The following PLEKHA8 variants were observed in gnomAD, a reference collection of about 807,000 sequenced individuals.
PLEKHA8 encodes pleckstrin homology domain containing A8, also known as pleckstrin homology domain-containing family A member 8.
In PLEKHA8, 36 loss-of-function variants were observed where a neutral mutation model predicts 68.2. The observed-to-expected ratio is 0.53, with a 90% confidence interval of 0.40 to 0.70. The LOEUF (loss-of-function observed/expected upper bound fraction) is 0.70, where lower values mean the gene tolerates loss of function less well. PLEKHA8 is among the 30% of genes least tolerant of loss of function. PLEKHA8 has a pLI of 0.00. For synonymous variants in PLEKHA8, 211 were observed against 216.1 expected (o/e 0.98, Z 0.20); for missense variants, 505 against 615.4 (o/e 0.82, Z 1.90).
chr7:30,076,008 A>G (rs1269415424), intron 13 of PLEKHA8, among the ~76,000 whole-genome samples: 1 of 151,984 alleles, frequency 6.6e-6, no homozygotes, highest in African/African-American at 2.4e-5. Context: ...TTACTGTCTT[A>G]GCTTTTTAAT....
chr7:30,051,016 C>T (rs1486349395), intron 6 of PLEKHA8, among the ~76,000 whole-genome samples: 40 of 152,300 alleles, frequency 2.6e-4, no homozygotes, highest in Admixed American at 2.4e-3. Context: ...CCTCTTACCT[C>T]AGCGTCCCAA....
rs573767192 is a variant in PLEKHA8 at position 30,059,150 on chromosome 7, A to G, written c.1040-1734A>G. Among the ~76,000 whole-genome samples, 6 of 152,342 alleles carry G rather than the reference A, an allele frequency of 3.9e-5. No homozygotes were observed. The South Asian group carries it at 1.2e-3, about 32-fold the overall frequency. Reference sequence around the variant, plus strand: ...ACAAAAGCATTGAGTCTTCCAATCCATGAGGATGCTGTATCTATTTACTTA... The same window carrying G: ...ACAAAAGCATTGAGTCTTCCAATCCGTGAGGATGCTGTATCTATTTACTTA... On this transcript the variant is annotated intron_variant, in intron 9 of 13. Transcript: ENST00000449726.
chr7:30,079,100 A>G lies in PLEKHA8; in HGVS notation c.*313A>G. On this transcript the variant is annotated 3_prime_UTR_variant, in exon 14 of 14. Transcript: ENST00000449726. ...TGTTATTGTGTATTGTATTGTTTTTATATTTTAGTCTAATGGGCCACCCAA... is the reference window on the plus strand; with the variant it reads ...TGTTATTGTGTATTGTATTGTTTTTGTATTTTAGTCTAATGGGCCACCCAA... 1.9e-6 allele frequency: 2 copies of G among 1,062,320 alleles called. No homozygotes were observed. Among genetic ancestry groups the G allele is most frequent in the East Asian group, 7.2e-5 (1 of 13,972 alleles). 65.8% of individuals were successfully genotyped at this position (1,062,320 alleles called of 1,614,324 possible). A position where few individuals can be genotyped will look rare whatever the true frequency, so the allele number is the denominator to read the frequency against.
At chr7:30,052,410 G>A (rs1249858660) in intron 6 of PLEKHA8, among the ~76,000 whole-genome samples, 2 of 152,180 alleles carry the variant, frequency 1.3e-5, no homozygotes, top group Admixed American at 6.5e-5. Context: ...GCTGAGGTGG[G>A]AGGATTGCCT....
chr7:30,077,200 C>A (rs1014319336), intron 13 of PLEKHA8, among the ~76,000 whole-genome samples: 2 of 152,108 alleles, frequency 1.3e-5, no homozygotes, highest in Non-Finnish European at 2.9e-5. Flanking sequence ...AAATCCTATT[C>A]TATTATATAT....
intron 2 of PLEKHA8, 137 bp downstream of exon 2, chr7:30,045,338 G>T: frequency 1.6e-6 from 1 of 619,748 alleles, no homozygotes; most frequent in Non-Finnish European, 2.7e-6. Context: ...TGTGTCAAAA[G>T]AAAGCCTTGC....
chr7:30,129,532 T>C, downstream of PLEKHA8: 1 of 571,786 alleles, frequency 1.7e-6, no homozygotes, highest in Non-Finnish European at 3.1e-6. Context: ...ACCTTAAAAT[T>C]TTCAACATGT....
At chr7:30,050,374 A>G in intron 5 of PLEKHA8, 60 bp from the exon 6 acceptor site, 18 of 1,519,276 alleles carry the variant, frequency 1.2e-5, no homozygotes, top group Non-Finnish European at 1.4e-5. Flanking sequence ...TAATAAGATC[A>G]TAAATATGCT....
At chr7:30,072,622 T>C (rs1162695895) in intron 12 of PLEKHA8, among the ~76,000 whole-genome samples, 1 of 152,264 alleles carries the variant, frequency 6.6e-6, no homozygotes, top group African/African-American at 2.4e-5. Flanking sequence ...TAGGAACTTG[T>C]ACTTGTGGTT....
rs774184626 is a variant in PLEKHA8 at position 30,078,761 on chromosome 7, G to A, written c.1534G>A (p.Gly512Arg). 15 of 1,613,390 alleles carry A rather than the reference G, an allele frequency of 9.3e-6. No individual in the cohort carries two copies. The highest frequency in any genetic ancestry group is 1.3e-5 in the African/African-American group (1 of 74,836). The change falls in exon 14 of 14, where the codon GGG (glycine) becomes AGG (arginine). Residue 512 changes from glycine (G) to arginine (R), a missense_variant. Transcript: ENST00000449726. ...AILDTLYEVH[G>R]LESDEVV ...ACTGGACACTTTATATGAGGTCCAC[G>A]GGCTGGAATCTGATGAGGTGGTATG... is the stretch of plus-strand genomic sequence containing the variant.
At chr7:30,071,413 C>T (rs1794230718) in intron 12 of PLEKHA8, among the ~76,000 whole-genome samples, 1 of 152,210 alleles carries the variant, frequency 6.6e-6, no homozygotes, top group Non-Finnish European at 1.5e-5. Context: ...CTCTACCCTA[C>T]CCAGCCTTCG....
At chr7:30,074,246 T>TTTTG (rs1554277761) in intron 13 of PLEKHA8, 114 bp downstream of exon 13, 3 of 487,886 alleles carry the variant, frequency 6.1e-6, no homozygotes, top group South Asian at 8.3e-5. Flanking sequence ...AGAAACAAAG[T>TTTTG]TGTGTGTGTG....
intron 9 of PLEKHA8, among the ~76,000 whole-genome samples, chr7:30,058,384 C>G (rs1290364577): frequency 2.0e-5 from 3 of 151,234 alleles, no homozygotes; most frequent in Non-Finnish European, 4.4e-5. Flanking sequence ...ATTCTGTTTT[C>G]TTCTAGACTC....
At chr7:30,035,068 C>G (rs1295452528) in intron 1 of PLEKHA8, among the ~76,000 whole-genome samples, 1 of 151,346 alleles carries the variant, frequency 6.6e-6, no homozygotes, top group African/African-American at 2.4e-5. Context: ...CATAGATATT[C>G]AATACTCAAC....
At chr7:30,097,025 G>T (rs1191385677) in intron 13 of PLEKHA8, among the ~76,000 whole-genome samples, 1 of 152,162 alleles carries the variant, frequency 6.6e-6, no homozygotes, top group Non-Finnish European at 1.5e-5. Flanking sequence ...AGGCCTGGTG[G>T]TGACAAAATC....
chr7:30,103,187 A>G (rs901791735), intron 13 of PLEKHA8, among the ~76,000 whole-genome samples: 1 of 152,218 alleles, frequency 6.6e-6, no homozygotes, highest in Non-Finnish European at 1.5e-5. Flanking sequence ...CCAGAACAAA[A>G]ATGTTCCAGA....
downstream of PLEKHA8, among the ~76,000 whole-genome samples, chr7:30,093,853 G>T (rs553897417): frequency 6.6e-6 from 1 of 152,322 alleles, no homozygotes; most frequent in East Asian, 1.9e-4. Context: ...GTTGGACTTG[G>T]AATGGTCAGA....
rs1794947264 is a variant in PLEKHA8 at position 30,081,833 on chromosome 7, A to G, written c.*3046A>G. 1.0e-6 allele frequency: 1 copy of G among 985,324 alleles called. No homozygotes were observed. 61.0% of individuals were successfully genotyped at this position (985,324 alleles called of 1,614,324 possible). ...CGTGCCTGTACTTTTCTCTATGGTA[A>G]AAGCCAGTGTTTACACTTTGTAGGG... On this transcript the variant is annotated 3_prime_UTR_variant, in exon 14 of 14. Transcript: ENST00000449726.
chr7:30,106,137 C>T, intron 13 of PLEKHA8, among the ~76,000 whole-genome samples: 1 of 151,624 alleles, frequency 6.6e-6, no homozygotes, highest in East Asian at 1.9e-4. Flanking sequence ...TGGTTCACTG[C>T]AACCACTGCC....
Sources: allele counts gnomAD v4.1 joint callset (sites outside exome capture counted in the v4.1 genomes callset), GRCh38; gene constraint gnomAD v4.1.1; transcripts MANE v1.5; gene names NCBI Gene and HGNC (gene_info 2026-07-23, HGNC 2026-07-21).